RBM19: variants seen among roughly 807,000 people sequenced by gnomAD.
RBM19 encodes the protein RNA binding motif protein 19, also known as probable RNA-binding protein 19.
Under a neutral mutation model 116.8 loss-of-function variants are expected in RBM19, and 94 were observed. That is an observed-to-expected ratio of 0.80 (90% CI 0.68 to 0.95). The LOEUF (loss-of-function observed/expected upper bound fraction) is 0.95. Ranked by LOEUF, RBM19 falls within the 40% of genes least tolerant of loss-of-function variation. The pLI is 0.00. For synonymous variants in RBM19, 475 were observed against 494.1 expected, an observed-to-expected ratio of 0.96 and a Z score of 0.51; for missense variants, 1,161 against 1,220.7, an observed-to-expected ratio of 0.95 and a Z score of 0.73.
At chr12:113,868,292 C>T (rs181681603) in intron 21 of RBM19, among the ~76,000 whole-genome samples, 5 of 152,266 alleles carry the variant, frequency 3.3e-5, no homozygotes, top group East Asian at 1.9e-4. Flanking sequence ...TCACAGTAGA[C>T]GGGGTAGATC....
intron 23 of RBM19, among the ~76,000 whole-genome samples, chr12:113,828,939 G>A (rs1875121278): frequency 6.6e-6 from 1 of 152,190 alleles, no homozygotes; most frequent in South Asian, 2.1e-4. Flanking sequence ...CAGGAGACTG[G>A]CCTGGCTCCT....
chr12:113,831,566 G>C (rs1035720429), intron 23 of RBM19, among the ~76,000 whole-genome samples: 2 of 152,190 alleles, frequency 1.3e-5, no homozygotes, highest in Non-Finnish European at 2.9e-5. Flanking sequence ...TTCCGTGATC[G>C]ATGAGGAAGA....
At chr12:113,870,342 G>A (rs59456286) in intron 21 of RBM19, among the ~76,000 whole-genome samples, 10,051 of 152,184 alleles carry the variant, frequency 0.066, 648 homozygotes, top group East Asian at 0.34. Flanking sequence ...CGCCTGCCAC[G>A]TCTCCTACAG....
chr12:113,924,702 T>C lies in RBM19; in HGVS notation c.2300A>G (p.Lys767Arg). The change falls in exon 18 of 24, where the codon AAA (lysine) becomes AGA (arginine). Residue 767 changes from lysine to arginine, a missense_variant. Physicochemically the swap from Lys to Arg is conservative, Grantham distance 26. Coordinates refer to ENST00000261741, the MANE Select transcript of RBM19 (RefSeq NM_016196.4). ...CCGAATTTCATGCGGAATACCTGCTTTGTTCTTCTTCTTGGAGATGGAGCA... is the reference window on the plus strand; with the variant it reads ...CCGAATTTCATGCGGAATACCTGCTCTGTTCTTCTTCTTGGAGATGGAGCA... ...KSCSISKKKN[K>R]AGVLLSMGFG... 1 of 1,543,622 alleles carries C rather than the reference T, an allele frequency of 6.5e-7. No individual in the cohort carries two copies.
At chr12:113,837,999 T>C (rs1439948729) in intron 23 of RBM19, among the ~76,000 whole-genome samples, 1 of 152,186 alleles carries the variant, frequency 6.6e-6, no homozygotes, top group South Asian at 2.1e-4. Flanking sequence ...CACCAAAACG[T>C]CTAAATATTA....
At chr12:113,818,798 ACTGT>A (rs1490723294), downstream of RBM19, among the ~76,000 whole-genome samples, 1 of 151,864 alleles carries the variant, frequency 6.6e-6, no homozygotes, top group Admixed American at 6.6e-5. Flanking sequence ...TCCCGTCCCC[ACTGT>A]CTCTCACTCC....
At chr12:113,868,984 T>C (rs912926729) in intron 21 of RBM19, among the ~76,000 whole-genome samples, 1 of 152,014 alleles carries the variant, frequency 6.6e-6, no homozygotes, top group African/African-American at 2.4e-5. Context: ...CCAACCAACG[T>C]CCCCCAGCCC....
chr12:113,853,965 G>A (rs1300393094), intron 22 of RBM19, among the ~76,000 whole-genome samples: 1 of 152,080 alleles, frequency 6.6e-6, no homozygotes, highest in Non-Finnish European at 1.5e-5. Flanking sequence ...TGTCAGGGCT[G>A]GGTGAGAGGT....
Position 113,823,160 on chromosome 12 carries a change from C to T in RBM19, c.*64G>A. 5 of 1,463,134 alleles carry T rather than the reference C, an allele frequency of 3.4e-6. No homozygotes were observed. The highest frequency in any genetic ancestry group is 4.7e-6 in the Non-Finnish European group (5 of 1,063,248). 90.6% of individuals were successfully genotyped at this position (1,463,134 alleles called of 1,614,324 possible). On this transcript the variant is annotated 3_prime_UTR_variant, in exon 24 of 24. Coordinates refer to ENST00000261741, the MANE Select transcript of RBM19 (RefSeq NM_016196.4). ...CCCCCAGCCCACATGGTGGTGAGTGCAGAAGCTGGAGCGGCTGTCCCGGTC... is the reference window on the plus strand; with the variant it reads ...CCCCCAGCCCACATGGTGGTGAGTGTAGAAGCTGGAGCGGCTGTCCCGGTC...
At chr12:113,954,647 C>T (rs74237694) in intron 7 of RBM19, among the ~76,000 whole-genome samples, 24 of 152,324 alleles carry the variant, frequency 1.6e-4, no homozygotes, top group South Asian at 4.2e-4. Context: ...TCACGAAGAA[C>T]GAAAATTAAG....
At chr12:113,919,330 G>A (rs190336533) in intron 19 of RBM19, among the ~76,000 whole-genome samples, 1 of 152,350 alleles carries the variant, frequency 6.6e-6, no homozygotes, top group Non-Finnish European at 1.5e-5. Context: ...CCAGCACTTT[G>A]GGAGGCTAAG....
intron 21 of RBM19, among the ~76,000 whole-genome samples, chr12:113,890,770 T>A (rs1880909989): frequency 6.6e-6 from 1 of 152,204 alleles, no homozygotes; most frequent in African/African-American, 2.4e-5. Flanking sequence ...TGCTCCCCAA[T>A]GCAAATGGAT....
At chr12:113,914,291 C>T (rs1028339659) in intron 21 of RBM19, among the ~76,000 whole-genome samples, 1 of 152,260 alleles carries the variant, frequency 6.6e-6, no homozygotes, top group South Asian at 2.1e-4. Flanking sequence ...AGTCCCCACC[C>T]AGCCTGCTGC....
At chr12:113,854,178 T>C (rs1877695284) in intron 22 of RBM19, among the ~76,000 whole-genome samples, 1 of 152,148 alleles carries the variant, frequency 6.6e-6, no homozygotes, top group South Asian at 2.1e-4. Flanking sequence ...AGCTGTCAAA[T>C]GGCCTCCTAC....
rs193229266 is a variant in RBM19 at position 113,920,015 on chromosome 12, A to G, written c.2385+596T>C. ...TCCTCATCCTGCACCCTGAACCGCCACCCCACGCCGCCCCTGCCACAGTGG... is the reference window on the plus strand; with the variant it reads ...TCCTCATCCTGCACCCTGAACCGCCGCCCCACGCCGCCCCTGCCACAGTGG... On this transcript the variant is annotated intron_variant, in intron 19 of 23. Transcript: ENST00000261741. 9.0e-3 allele frequency among the ~76,000 whole-genome samples: 1,360 copies of G among 151,938 alleles called. 25 individuals are homozygous for G. The highest frequency in any genetic ancestry group is 0.029 in the African/African-American group (1,213 of 41,432).
intron 2 of RBM19, 36 bp from the exon 3 acceptor site, chr12:113,960,214 T>C (rs1178098197): frequency 2.5e-6 from 4 of 1,612,090 alleles, no homozygotes; most frequent in Non-Finnish European, 3.4e-6. Flanking sequence ...ACACCTGCCA[T>C]GGCACCCAGG....
intron 6 of RBM19, among the ~76,000 whole-genome samples, chr12:113,956,912 G>A (rs1433583152): frequency 1.3e-5 from 2 of 152,180 alleles, no homozygotes; most frequent in African/African-American, 4.8e-5. Flanking sequence ...GAGATGCAAC[G>A]GCACGGCAGG....
intron 4 of RBM19, among the ~76,000 whole-genome samples, 165 bp from the exon 5 acceptor site, chr12:113,959,569 G>A (rs1435776889): frequency 6.6e-6 from 1 of 152,188 alleles, no homozygotes; most frequent in Non-Finnish European, 1.5e-5. Flanking sequence ...AGCTGGGTCA[G>A]TTCTGAGGAA....
intron 17 of RBM19, 114 bp from the exon 18 acceptor site, chr12:113,924,871 A>C: frequency 1.1e-6 from 1 of 869,890 alleles, no homozygotes; most frequent in Non-Finnish European, 2.0e-6. Context: ...GGGTCCCAAA[A>C]ACATTTTGAG....
Sources: gnomAD v4.1 joint callset for allele counts (sites outside exome capture counted in the v4.1 genomes callset) on GRCh38, gnomAD v4.1.1 for gene constraint, MANE v1.5 for transcripts, NCBI Gene and HGNC (gene_info 2026-07-23, HGNC 2026-07-21) for gene names.